The following DRC9 variants were observed in gnomAD, a reference collection of about 807,000 sequenced individuals.
DRC9 encodes the protein dynein regulatory complex subunit 9.
At chr3:197,936,570 C>A in the DRC9 span, among the ~76,000 whole-genome samples, 1 of 152,040 alleles carries the variant, frequency 6.6e-6, no homozygotes, top group South Asian at 2.1e-4. Context: ...CACTATGTTA[C>A]CCAGCTGGTT....
the DRC9 span, among the ~76,000 whole-genome samples, chr3:197,916,896 AT>A: frequency 6.6e-6 from 1 of 151,664 alleles, no homozygotes; most frequent in African/African-American, 2.4e-5. Flanking sequence ...AAAAAAAAAA[AT>A]CACACAAAAA....
chr3:197,898,112 C>A, the DRC9 span, among the ~76,000 whole-genome samples: 2 of 152,058 alleles, frequency 1.3e-5, no homozygotes, highest in Non-Finnish European at 2.9e-5. Context: ...CATTCTGAGA[C>A]CACAATGCAA....
At chr3:197,942,120 A>G in the DRC9 span, among the ~76,000 whole-genome samples, 1 of 152,324 alleles carries the variant, frequency 6.6e-6, no homozygotes, top group South Asian at 2.1e-4. Context: ...ACTCCATTAC[A>G]ACTTACAAAT....
chr3:197,952,479 CTT>C, the DRC9 span: 1 of 151,314 alleles, frequency 6.6e-6, no homozygotes, highest in Non-Finnish European at 1.5e-5. Flanking sequence ...CTTGTTTTTT[CTT>C]TTCTTTCTTT....
chr3:197,957,278 C>T, the DRC9 span: 1 of 152,238 alleles, frequency 6.6e-6, no homozygotes, highest in African/African-American at 2.4e-5. Flanking sequence ...GATATACTGA[C>T]CCAAGAGAAA....
the DRC9 span, among the ~76,000 whole-genome samples, chr3:197,921,510 C>T: frequency 1.1e-4 from 13 of 123,450 alleles, no homozygotes; most frequent in African/African-American, 2.5e-4. Flanking sequence ...TCTTCTTGGT[C>T]GACCCGACTA....
chr3:197,943,874 C>T, the DRC9 span: 3 of 1,614,176 alleles, frequency 1.9e-6, no homozygotes, highest in Non-Finnish European at 2.5e-6. Context: ...CCGAGATCCT[C>T]AGCACATCTG....
chr3:197,918,966 G>A, the DRC9 span, among the ~76,000 whole-genome samples: 20 of 152,214 alleles, frequency 1.3e-4, no homozygotes, highest in African/African-American at 3.9e-4. Context: ...CTGCCACTAC[G>A]CTGGGCTAAT....
the DRC9 span, chr3:197,926,133 T>TTG: frequency 7.7e-7 from 1 of 1,295,522 alleles, no homozygotes; most frequent in Non-Finnish European, 1.1e-6. Context: ...GATTTGTGTT[T>TTG]AGAGCAGTGC....
chr3:197,950,415 C>A, the DRC9 span: 1 of 961,060 alleles, frequency 1.0e-6, no homozygotes, highest in Non-Finnish European at 1.3e-6. Flanking sequence ...CGGAGAACGG[C>A]TGCCCGGGTT....
chr3:197,891,939 G>T, the DRC9 span, among the ~76,000 whole-genome samples: 1 of 152,196 alleles, frequency 6.6e-6, no homozygotes, highest in Non-Finnish European at 1.5e-5. Flanking sequence ...ACCCAGGCTG[G>T]AGTGCAGTGG....
At chr3:197,914,000 C>G in the DRC9 span, 1 of 1,614,162 alleles carries the variant, frequency 6.2e-7, no homozygotes, top group Non-Finnish European at 8.5e-7. Context: ...GCCTTCATCT[C>G]TTGCAGTTGG....
the DRC9 span, among the ~76,000 whole-genome samples, chr3:197,942,656 G>A: frequency 2.4e-4 from 37 of 151,812 alleles, no homozygotes; most frequent in Admixed American, 1.2e-3. Flanking sequence ...GGTGGCTCAC[G>A]CCTGTAATCC....
chr3:197,932,845 A>ATATATAATATACATTATATATT, the DRC9 span, among the ~76,000 whole-genome samples: 1 of 131,974 alleles, frequency 7.6e-6, no homozygotes, highest in African/African-American at 2.8e-5. Flanking sequence ...TATGTATTAT[A>ATATATAATATACATTATATATT]TATAATATAC....
chr3:197,891,632 T>C, the DRC9 span: 1 of 640,326 alleles, frequency 1.6e-6, no homozygotes, highest in Non-Finnish European at 2.6e-6. Flanking sequence ...TAATATAAAA[T>C]TTCAAAATAA....
At chr3:197,944,698 T>G in the DRC9 span, among the ~76,000 whole-genome samples, 1 of 152,086 alleles carries the variant, frequency 6.6e-6, no homozygotes, top group Non-Finnish European at 1.5e-5. Flanking sequence ...TCCGCCCACC[T>G]CGGCCTCCCA....
chr3:197,910,725 A>T, the DRC9 span, among the ~76,000 whole-genome samples: 34 of 152,328 alleles, frequency 2.2e-4, 1 homozygote, highest in East Asian at 5.8e-3. Flanking sequence ...CACGCCTGTA[A>T]TCCCAGCACT....
chr3:197,916,991 G>A, the DRC9 span, among the ~76,000 whole-genome samples: 3 of 152,174 alleles, frequency 2.0e-5, no homozygotes, highest in Non-Finnish European at 4.4e-5. Flanking sequence ...TGGCCTGCGG[G>A]CTACAGGTTG....
chr3:197,914,550 A>G, the DRC9 span, among the ~76,000 whole-genome samples: 1 of 152,228 alleles, frequency 6.6e-6, no homozygotes, highest in African/African-American at 2.4e-5. Flanking sequence ...GTGCTTGGCA[A>G]TTGTGAGGAC....
Sources: gnomAD v4.1 joint callset for allele counts (sites outside exome capture counted in the v4.1 genomes callset) on GRCh38, gnomAD v4.1.1 for gene constraint, MANE v1.5 for transcripts, NCBI Gene and HGNC (gene_info 2026-07-23, HGNC 2026-07-21) for gene names.